Variants in RBMS3 observed in about 807,000 individuals in gnomAD.
RBMS3 encodes RNA binding motif single stranded interacting protein 3, also known as RNA-binding motif, single-stranded-interacting protein 3.
RBMS3 carries 27 observed loss-of-function variants against 66.8 expected under a neutral mutation model. The ratio of observed to expected loss-of-function variants is 0.40; its 90% CI spans 0.30 to 0.56. The LOEUF (loss-of-function observed/expected upper bound fraction) is 0.56. Ranked by LOEUF, RBMS3 falls within the 20% of genes least tolerant of loss-of-function variation. The pLI, the probability that RBMS3 is intolerant of heterozygous loss-of-function variation, is 0.40. For synonymous variants in RBMS3, 188 were observed against 183.0 expected (o/e 1.03, Z -0.22); for missense variants, 513 against 549.5 (o/e 0.93, Z 0.66).
At chr3:29,399,795 C>T (rs528909224) in intron 1 of RBMS3, among the ~76,000 whole-genome samples, 1 of 152,196 alleles carries the variant, frequency 6.6e-6, no homozygotes, top group African/African-American at 2.4e-5. Context: ...CCACTCCTAG[C>T]TAAAGCACTG....
At chr3:29,332,243 T>A (rs2035707884) in intron 1 of RBMS3, among the ~76,000 whole-genome samples, 1 of 152,152 alleles carries the variant, frequency 6.6e-6, no homozygotes, top group South Asian at 2.1e-4. Context: ...AATATCAGGA[T>A]AATCAAGAAC....
At chr3:29,652,541 G>C (rs2050182836) in intron 4 of RBMS3, among the ~76,000 whole-genome samples, 1 of 152,066 alleles carries the variant, frequency 6.6e-6, no homozygotes, top group Admixed American at 6.6e-5. Flanking sequence ...AGTTGACTAA[G>C]AGGCTATAGC....
chr3:29,946,782 A>G (rs149691822), intron 12 of RBMS3, among the ~76,000 whole-genome samples: 4 of 151,752 alleles, frequency 2.6e-5, no homozygotes, highest in African/African-American at 9.6e-5. Context: ...GAGAAGGCCT[A>G]TGAACAATCC....
At chr3:29,865,919 C>CTGCAGTTTA (rs1268892754) in intron 6 of RBMS3, among the ~76,000 whole-genome samples, 1 of 151,830 alleles carries the variant, frequency 6.6e-6, no homozygotes, top group Admixed American at 6.6e-5. Flanking sequence ...GTGTGTGACC[C>CTGCAGTTTA]GTAGCGAGCC....
chr3:29,421,557 AAT>A (rs1247665354), intron 1 of RBMS3, among the ~76,000 whole-genome samples: 1 of 152,140 alleles, frequency 6.6e-6, no homozygotes, highest in Non-Finnish European at 1.5e-5. Flanking sequence ...CTGACAGTTA[AAT>A]ATGTCTTATT....
chr3:29,462,170 T>TCTGTGCTAATTA (rs1267759577), intron 2 of RBMS3, among the ~76,000 whole-genome samples: 3 of 152,108 alleles, frequency 2.0e-5, no homozygotes, highest in Non-Finnish European at 4.4e-5. Context: ...CATGGAAGGT[T>TCTGTGCTAATTA]CTGTGCTAAT....
intron 1 of RBMS3, among the ~76,000 whole-genome samples, chr3:29,308,755 A>C (rs1455433289): frequency 1.6e-3 from 112 of 71,040 alleles, no homozygotes; most frequent in African/African-American, 5.7e-3. Context: ...ACAAAAAAAA[A>C]CAAAAAAAAA....
chr3:29,836,446 G>T (rs2149494867), intron 6 of RBMS3, among the ~76,000 whole-genome samples: 1 of 152,050 alleles, frequency 6.6e-6, no homozygotes, highest in African/African-American at 2.4e-5. Context: ...TGGGGTGCAA[G>T]CCAAACACAG....
intron 5 of RBMS3, among the ~76,000 whole-genome samples, chr3:29,756,623 T>C (rs1488766016): frequency 6.6e-6 from 1 of 152,004 alleles, no homozygotes; most frequent in Non-Finnish European, 1.5e-5. Context: ...CCATGGCACA[T>C]GAGAATTGTA....
intron 10 of RBMS3, among the ~76,000 whole-genome samples, chr3:29,931,927 T>A (rs2061138577): frequency 6.6e-6 from 1 of 152,210 alleles, no homozygotes; most frequent in Non-Finnish European, 1.5e-5. Flanking sequence ...TGTGAATAAC[T>A]ATAGGCAATC....
intron 3 of RBMS3, among the ~76,000 whole-genome samples, chr3:29,491,852 G>A (rs1190630347): frequency 6.6e-6 from 1 of 152,150 alleles, no homozygotes; most frequent in Non-Finnish European, 1.5e-5. Context: ...AATTAGCCGG[G>A]CGTGGTGGCG....
chr3:29,456,895 AG>A (rs1203068943), intron 2 of RBMS3, among the ~76,000 whole-genome samples: 1 of 152,202 alleles, frequency 6.6e-6, no homozygotes, highest in African/African-American at 2.4e-5. Context: ...TTACACAAGG[AG>A]GCTGGACATA....
intron 6 of RBMS3, among the ~76,000 whole-genome samples, chr3:29,824,457 A>G (rs917629185): frequency 2.0e-5 from 3 of 152,182 alleles, no homozygotes; most frequent in Admixed American, 6.6e-5. Flanking sequence ...GACTAAGACA[A>G]TAGTCTTCAC....
chr3:29,470,791 C>A (rs1289034536), intron 2 of RBMS3, among the ~76,000 whole-genome samples: 1 of 151,930 alleles, frequency 6.6e-6, no homozygotes, highest in Admixed American at 6.6e-5. Context: ...CTTATATATT[C>A]CTGACATTTT....
intron 6 of RBMS3, among the ~76,000 whole-genome samples, chr3:29,820,482 A>ATTTTATATG (rs1207814187): frequency 6.6e-6 from 1 of 151,958 alleles, no homozygotes; most frequent in Non-Finnish European, 1.5e-5. Context: ...ATCAAATGCC[A>ATTTTATATG]TTTTATATGC....
At chr3:29,437,576 C>T (rs1246578516) in intron 2 of RBMS3, among the ~76,000 whole-genome samples, 2 of 152,176 alleles carry the variant, frequency 1.3e-5, no homozygotes, top group Non-Finnish European at 2.9e-5. Context: ...TCTCCTGTTA[C>T]AGCAGTGATC....
intron 5 of RBMS3, among the ~76,000 whole-genome samples, chr3:29,740,707 A>G (rs971254215): frequency 6.6e-6 from 1 of 152,158 alleles, no homozygotes; most frequent in Non-Finnish European, 1.5e-5. Context: ...GAATGGATGG[A>G]TGTTAAGTGT....
chr3:29,455,873 C>T (rs893558548), intron 2 of RBMS3, among the ~76,000 whole-genome samples: 9 of 151,756 alleles, frequency 5.9e-5, no homozygotes, highest in South Asian at 2.1e-4. Flanking sequence ...TACTTGTTTA[C>T]GATAAGAGAG....
At chr3:29,790,992 TGGTG>T (rs2056990743) in intron 6 of RBMS3, among the ~76,000 whole-genome samples, 1 of 152,214 alleles carries the variant, frequency 6.6e-6, no homozygotes, top group Non-Finnish European at 1.5e-5. Context: ...GTGTTAAATT[TGGTG>T]GGAGATGGGC....
Sources: gnomAD v4.1 joint callset for allele counts (sites outside exome capture counted in the v4.1 genomes callset) on GRCh38, gnomAD v4.1.1 for gene constraint, MANE v1.5 for transcripts, NCBI Gene and HGNC (gene_info 2026-07-23, HGNC 2026-07-21) for gene names.